TTC7A: variants seen among roughly 807,000 people sequenced by gnomAD.
TTC7A encodes tetratricopeptide repeat domain 7A.
TTC7A carries 110 observed loss-of-function variants against 103.7 expected under a neutral mutation model. The observed-to-expected ratio is 1.06, with a 90% CI of 0.91 to 1.24. The LOEUF (loss-of-function observed/expected upper bound fraction) is 1.24, where lower values mean the gene tolerates loss of function less well. Ranked by LOEUF, TTC7A falls within the 50% of genes most tolerant of loss-of-function variation. TTC7A has a pLI of 0.00. For missense variants in TTC7A, 1,340 were observed against 1,116.3 expected (o/e 1.20, Z -2.86); for synonymous variants, 521 against 467.9 (o/e 1.11, Z -1.47).
Position 47,029,236 on chromosome 2 carries a change from A to T in TTC7A, c.1654A>T (p.Met552Leu), listed in dbSNP as rs777379249. 6 of 1,613,714 alleles carry T rather than the reference A, an allele frequency of 3.7e-6. No homozygotes were observed. Among genetic ancestry groups the T allele is most frequent in the African/African-American group, 2.7e-5 (2 of 74,928 alleles). Reference sequence around the variant, plus strand: ...GTTCCTTCAACAGATCTCCAGTGCCATGGAGCAGCTGCAGGAGGCCCTGAA... The same window carrying T: ...GTTCCTTCAACAGATCTCCAGTGCCTTGGAGCAGCTGCAGGAGGCCCTGAA... Reference protein sequence around the residue: ...LALVRQISSAMEQLQEALKVR... With the variant: ...LALVRQISSALEQLQEALKVR... The change falls in exon 15 of 20, where the codon ATG becomes TTG. Residue 552 changes from methionine to leucine, a missense_variant. By Grantham distance (15) the Met-to-Leu change is conservative. Coordinates refer to ENST00000319190, the MANE Select transcript of TTC7A (RefSeq NM_020458.4).
chr2:47,068,936 C>A (rs1684424814), intron 19 of TTC7A, among the ~76,000 whole-genome samples: 1 of 151,804 alleles, frequency 6.6e-6, no homozygotes, highest in African/African-American at 2.4e-5. Flanking sequence ...CCCTTTCTCC[C>A]TGTCCAGCAG....
chr2:46,935,530 A>T (rs1351018983), intron 2 of TTC7A, among the ~76,000 whole-genome samples: 1 of 152,222 alleles, frequency 6.6e-6, no homozygotes, highest in Non-Finnish European at 1.5e-5. Flanking sequence ...TCCTGCCATG[A>T]GAACAAGCTA....
intron 10 of TTC7A, among the ~76,000 whole-genome samples, chr2:47,008,452 C>T (rs549844741): frequency 6.6e-6 from 1 of 152,332 alleles, no homozygotes; most frequent in South Asian, 2.1e-4. Flanking sequence ...CAGCCTGGCA[C>T]CATCCCAGCA....
chr2:46,980,624 C>G (rs1290037408), intron 5 of TTC7A, among the ~76,000 whole-genome samples: 3 of 152,186 alleles, frequency 2.0e-5, no homozygotes, highest in African/African-American at 7.2e-5. Flanking sequence ...TTAAATTCAC[C>G]TCTGATGCTA....
chr2:47,054,496 G>C (rs967018957), intron 18 of TTC7A, among the ~76,000 whole-genome samples: 1 of 152,088 alleles, frequency 6.6e-6, no homozygotes, highest in Non-Finnish European at 1.5e-5. Context: ...CCTAACTGCC[G>C]AGGGCTCTGG....
At chr2:47,058,135 C>T (rs888379805) in intron 18 of TTC7A, among the ~76,000 whole-genome samples, 3 of 152,208 alleles carry the variant, frequency 2.0e-5, no homozygotes, top group African/African-American at 7.2e-5. Flanking sequence ...CAGCCATCTG[C>T]CCCTGGGTTC....
chr2:47,045,803 T>C (rs1682252805), intron 15 of TTC7A, among the ~76,000 whole-genome samples: 1 of 152,200 alleles, frequency 6.6e-6, no homozygotes, highest in African/African-American at 2.4e-5. Flanking sequence ...GAAGTGGAGC[T>C]CTGTCCTTAG....
chr2:46,979,061 A>T, intron 5 of TTC7A, among the ~76,000 whole-genome samples, 154 bp downstream of exon 5: 1 of 152,140 alleles, frequency 6.6e-6, no homozygotes, highest in South Asian at 2.1e-4. Flanking sequence ...ATCTTGTCAG[A>T]CAGGAGTGTG....
intron 2 of TTC7A, among the ~76,000 whole-genome samples, chr2:46,952,916 T>C (rs528061898): frequency 3.3e-5 from 5 of 152,370 alleles, no homozygotes; most frequent in Admixed American, 1.3e-4. Context: ...TTGTAAGATA[T>C]ATATTTTTCA....
At chr2:46,970,153 C>G (rs996729294) in intron 3 of TTC7A, among the ~76,000 whole-genome samples, 1 of 152,178 alleles carries the variant, frequency 6.6e-6, no homozygotes, top group Admixed American at 6.5e-5. Flanking sequence ...CCAAGCCCAG[C>G]TAATTTTTTC....
At chr2:47,014,883 A>G (rs773275934) in intron 11 of TTC7A, among the ~76,000 whole-genome samples, 6 of 152,386 alleles carry the variant, frequency 3.9e-5, no homozygotes, top group Non-Finnish European at 7.3e-5. Context: ...TGCTCTTCCC[A>G]CATCCTGTCC....
chr2:47,042,689 TG>T (rs1681884204), intron 15 of TTC7A, among the ~76,000 whole-genome samples: 1 of 148,094 alleles, frequency 6.8e-6, no homozygotes, highest in Non-Finnish European at 1.5e-5. Flanking sequence ...TGTGTGTGTG[TG>T]TGTGTGTGTG....
intron 1 of TTC7A, among the ~76,000 whole-genome samples, chr2:46,949,776 A>G (rs1295473230): frequency 6.6e-6 from 1 of 152,160 alleles, no homozygotes; most frequent in Non-Finnish European, 1.5e-5. Context: ...CTGTAATCCC[A>G]GCACTTTGGG....
At chr2:46,919,455 C>G (rs1369035022) in intron 2 of TTC7A, among the ~76,000 whole-genome samples, 1 of 152,242 alleles carries the variant, frequency 6.6e-6, no homozygotes, top group Non-Finnish European at 1.5e-5. Flanking sequence ...ATTGCTTGAA[C>G]CCGGGCAGCA....
intron 2 of TTC7A, among the ~76,000 whole-genome samples, chr2:46,922,882 A>G (rs939436506): frequency 6.6e-6 from 1 of 152,214 alleles, no homozygotes; most frequent in Non-Finnish European, 1.5e-5. Flanking sequence ...GTTTTACAAA[A>G]CAGCCCTCTC....
intron 3 of TTC7A, among the ~76,000 whole-genome samples, chr2:46,964,425 C>T (rs571950195): frequency 6.6e-6 from 1 of 152,252 alleles, no homozygotes; most frequent in East Asian, 1.9e-4. Context: ...GCGGAGAGCC[C>T]ACAGTAAGGC....
At chr2:47,042,687 TG>T (rs1681883712) in intron 15 of TTC7A, among the ~76,000 whole-genome samples, 1 of 147,676 alleles carries the variant, frequency 6.8e-6, no homozygotes, top group Non-Finnish European at 1.5e-5. Context: ...TGTGTGTGTG[TG>T]TGTGTGTGTG....
intron 11 of TTC7A, among the ~76,000 whole-genome samples, chr2:47,012,045 G>A (rs1558575603): frequency 6.6e-6 from 1 of 152,218 alleles, no homozygotes. Flanking sequence ...GCAGGCTCCT[G>A]AAGACTCCCA....
intron 14 of TTC7A, among the ~76,000 whole-genome samples, chr2:47,028,492 C>T (rs1680161382): frequency 6.6e-6 from 1 of 152,188 alleles, no homozygotes; most frequent in South Asian, 2.1e-4. Flanking sequence ...TGGGGCCTGC[C>T]CTCTTTCATG....
Sources: gnomAD v4.1 joint callset for allele counts (sites outside exome capture counted in the v4.1 genomes callset) on GRCh38, gnomAD v4.1.1 for gene constraint, MANE v1.5 for transcripts, NCBI Gene and HGNC (gene_info 2026-07-23, HGNC 2026-07-21) for gene names.